PSMD11: variants seen among roughly 807,000 people sequenced by gnomAD.
The protein encoded by PSMD11 is proteasome 26S subunit, non-ATPase 11.
A neutral mutation model predicts 62.3 loss-of-function variants in PSMD11; 5 were observed. The observed-to-expected ratio is 0.08, with a 90% confidence interval of 0.04 to 0.17. The LOEUF (loss-of-function observed/expected upper bound fraction) is 0.17. Ranked by LOEUF, PSMD11 falls within the 10% of genes least tolerant of loss-of-function variation. The pLI is 1.00. For synonymous variants in PSMD11, 191 were observed against 191.8 expected (o/e 1.00, Z 0.03); for missense variants, 310 against 512.9 (o/e 0.60, Z 3.82).
intron 2 of PSMD11, among the ~76,000 whole-genome samples, chr17:32,447,891 T>C (rs929268564): frequency 3.3e-5 from 5 of 152,000 alleles, no homozygotes; most frequent in Non-Finnish European, 4.4e-5. Flanking sequence ...TTTTCTTTTT[T>C]TTTTTTTGAG....
chr17:32,471,850 T>C (rs1265892652), intron 6 of PSMD11, among the ~76,000 whole-genome samples: 1 of 152,140 alleles, frequency 6.6e-6, no homozygotes, highest in East Asian at 1.9e-4. Context: ...AGCTGTCAAA[T>C]TGCTGACTAT....
intron 10 of PSMD11, 77 bp from the exon 11 acceptor site, chr17:32,479,774 C>T: frequency 6.7e-7 from 1 of 1,502,378 alleles, no homozygotes; most frequent in Non-Finnish European, 9.3e-7. Flanking sequence ...AGCAGTTCTC[C>T]CCCTGTTCCC....
intron 3 of PSMD11, among the ~76,000 whole-genome samples, chr17:32,458,979 C>T (rs962010070): frequency 1.8e-4 from 27 of 151,134 alleles, no homozygotes; most frequent in African/African-American, 6.6e-4. Flanking sequence ...CCTGTAATCC[C>T]AGGTACTCAG....
At chr17:32,465,811 T>C (rs1907975881) in intron 5 of PSMD11, among the ~76,000 whole-genome samples, 1 of 151,908 alleles carries the variant, frequency 6.6e-6, no homozygotes, top group South Asian at 2.1e-4. Context: ...CCGTCTCTAC[T>C]AAAAATACAA....
At chr17:32,476,511 A>G (rs1465633340) in intron 8 of PSMD11, among the ~76,000 whole-genome samples, 3 of 152,218 alleles carry the variant, frequency 2.0e-5, no homozygotes, top group Admixed American at 6.5e-5. Context: ...AGTCTACTGT[A>G]TAAGACACAC....
chr17:32,478,817 G>C (rs1442380883), intron 9 of PSMD11, among the ~76,000 whole-genome samples: 1 of 152,158 alleles, frequency 6.6e-6, no homozygotes, highest in Non-Finnish European at 1.5e-5. Context: ...TGCTCTTGGG[G>C]CTTACATGGT....
intron 3 of PSMD11, among the ~76,000 whole-genome samples, chr17:32,456,963 G>A (rs1327730735): frequency 6.6e-6 from 1 of 152,190 alleles, no homozygotes; most frequent in Non-Finnish European, 1.5e-5. Context: ...CACTGTGCCT[G>A]ACTTGCATTT....
chr17:32,479,567 G>A (rs773344683), intron 10 of PSMD11, 191 bp downstream of exon 10: 10 of 843,732 alleles, frequency 1.2e-5, no homozygotes, highest in Non-Finnish European at 1.8e-5. Context: ...AGAGGCATGT[G>A]GGTTGCCCCT....
chr17:32,460,336 C>T (rs1035017696), intron 3 of PSMD11, among the ~76,000 whole-genome samples: 8 of 152,122 alleles, frequency 5.3e-5, no homozygotes, highest in Non-Finnish European at 8.8e-5. Flanking sequence ...GCCTGGATTA[C>T]GGATGTGAGT....
In PSMD11 at chr17:32,479,396, T is replaced by C. The variant is rs761979874; in HGVS notation, c.1038+20T>C. Reference sequence around the variant, plus strand: ...GTACAGGTGAGAACCCTCTGGGGACTCCATTTCTGGCCAGGCATTCTCACT... The same window carrying C: ...GTACAGGTGAGAACCCTCTGGGGACCCCATTTCTGGCCAGGCATTCTCACT... On this transcript the variant is annotated intron_variant, in intron 10 of 13. Transcript: ENST00000261712. 18 of 1,611,994 alleles carry C rather than the reference T, an allele frequency of 1.1e-5. No homozygotes were observed. In the Admixed American group the frequency reaches 2.3e-4, roughly 21 times the overall value.
At chr17:32,473,018 C>T (rs1335269109) in intron 6 of PSMD11, among the ~76,000 whole-genome samples, 3 of 150,134 alleles carry the variant, frequency 2.0e-5, no homozygotes, top group African/African-American at 7.3e-5. Context: ...ATTAGCCGGG[C>T]GTGGTAGTGG....
chr17:32,463,317 G>A (rs960200343), intron 3 of PSMD11: 3 of 151,986 alleles, frequency 2.0e-5, no homozygotes, highest in Non-Finnish European at 4.4e-5. Flanking sequence ...GCTTAAAAGC[G>A]CTTTTACGTG....
chr17:32,444,520 T>G lies in PSMD11; in HGVS notation c.-4T>G. 1 of 1,592,090 alleles carries G rather than the reference T, an allele frequency of 6.3e-7. No homozygotes were observed. Among genetic ancestry groups the G allele is most frequent in the Non-Finnish European group, 8.5e-7 (1 of 1,170,138 alleles). ...GCGGCCGGGGACGGTGTGAGAGCGGTAAGATGGCGGCGGCGGCGGTGGTGG... is the reference window on the plus strand; with the variant it reads ...GCGGCCGGGGACGGTGTGAGAGCGGGAAGATGGCGGCGGCGGCGGTGGTGG... On this transcript the variant is annotated 5_prime_UTR_variant, in exon 1 of 14. Transcript: ENST00000261712.
intron 2 of PSMD11, among the ~76,000 whole-genome samples, chr17:32,448,148 G>A (rs887770362): frequency 6.6e-6 from 1 of 151,726 alleles, no homozygotes; most frequent in Non-Finnish European, 1.5e-5. Context: ...GAAAGTGCTG[G>A]GATTCCAGGT....
At chr17:32,452,017 A>G (rs1296573473) in intron 2 of PSMD11, among the ~76,000 whole-genome samples, 1 of 152,206 alleles carries the variant, frequency 6.6e-6, no homozygotes, top group Non-Finnish European at 1.5e-5. Context: ...GGTGTGAGCC[A>G]CTGCACCCAG....
At chr17:32,477,269 G>T in intron 8 of PSMD11, 1 of 392,352 alleles carries the variant, frequency 2.5e-6, no homozygotes, top group Non-Finnish European at 4.5e-6. Context: ...GCTATATTAG[G>T]GTCGGTCTGT....
At chr17:32,469,728 T>C (rs922670509) in intron 6 of PSMD11, among the ~76,000 whole-genome samples, 2 of 151,984 alleles carry the variant, frequency 1.3e-5, no homozygotes, top group African/African-American at 2.4e-5. Context: ...GGAGGCGTCA[T>C]TATTGAAGGA....
At chr17:32,458,971 T>A (rs1907728544) in intron 3 of PSMD11, among the ~76,000 whole-genome samples, 1 of 151,736 alleles carries the variant, frequency 6.6e-6, no homozygotes, top group Non-Finnish European at 1.5e-5. Flanking sequence ...GGTGCATGCC[T>A]GTAATCCCAG....
At chr17:32,458,259 G>T (rs745351964) in intron 3 of PSMD11, among the ~76,000 whole-genome samples, 9 of 152,014 alleles carry the variant, frequency 5.9e-5, no homozygotes, top group Non-Finnish European at 1.0e-4. Context: ...ACCTTCAGTG[G>T]CTTTCCATTG....
Sources: gnomAD v4.1 joint callset for allele counts (sites outside exome capture counted in the v4.1 genomes callset) on GRCh38, gnomAD v4.1.1 for gene constraint, MANE v1.5 for transcripts, NCBI Gene and HGNC (gene_info 2026-07-23, HGNC 2026-07-21) for gene names.